Variants in SETBP1 observed in about 807,000 individuals in gnomAD.
SETBP1 encodes the protein SET-binding protein.
Under a neutral mutation model 101.0 loss-of-function variants are expected in SETBP1, and 9 were observed. The observed-to-expected ratio is 0.09, with a 90% CI of 0.05 to 0.16. The LOEUF (loss-of-function observed/expected upper bound fraction) is 0.16. Among genes scored for constraint, SETBP1 ranks in the 10% least tolerant of loss-of-function variants. SETBP1 has a pLI of 1.00. For synonymous variants in SETBP1, 818 were observed against 788.5 expected (o/e 1.04, Z -0.63); for missense variants, 1,858 against 2,033.8 (o/e 0.91, Z 1.66).
intron 1 of SETBP1, among the ~76,000 whole-genome samples, chr18:44,684,773 A>G (rs1020731531): frequency 6.6e-6 from 1 of 151,740 alleles, no homozygotes; most frequent in Non-Finnish European, 1.5e-5. Context: ...CAGCCTCCCA[A>G]ATAGCTGGGA....
intron 4 of SETBP1, among the ~76,000 whole-genome samples, chr18:44,973,026 C>T (rs920395932): frequency 1.3e-5 from 2 of 152,134 alleles, no homozygotes; most frequent in African/African-American, 4.8e-5. Context: ...TCATAGATAG[C>T]TGTCATTATT....
At chr18:44,901,286 C>T (rs2070039145) in intron 3 of SETBP1, among the ~76,000 whole-genome samples, 1 of 152,166 alleles carries the variant, frequency 6.6e-6, no homozygotes. Context: ...TGGGATGAGA[C>T]TGGACTTTCT....
intron 2 of SETBP1, among the ~76,000 whole-genome samples, chr18:44,725,850 A>G (rs1349326761): frequency 6.6e-6 from 1 of 152,160 alleles, no homozygotes; most frequent in Non-Finnish European, 1.5e-5. Flanking sequence ...ACCAAAGCCA[A>G]TAATAGACTA....
chr18:44,937,432 G>A lies in SETBP1; in HGVS notation c.541-12449G>A, dbSNP rs553874075. Among the ~76,000 whole-genome samples the A allele has an allele frequency of 9.8e-5, 14 of 143,262 alleles. No homozygotes were observed. The South Asian group carries it at 2.1e-3, about 22-fold the overall frequency. 94.0% of individuals were successfully genotyped at this position (143,262 alleles called of 152,430 possible). Reference sequence around the variant, plus strand: ...ATCCCGCCACTGCACTCCAGCCTGGGCGACAGAGCGAGACTCCGTCTCAAA... The same window carrying A: ...ATCCCGCCACTGCACTCCAGCCTGGACGACAGAGCGAGACTCCGTCTCAAA... On this transcript the variant is annotated intron_variant, in intron 3 of 5. Coordinates refer to ENST00000649279, the MANE Select transcript of SETBP1 (RefSeq NM_015559.3).
At chr18:44,997,722 C>T (rs2072528678) in intron 4 of SETBP1, among the ~76,000 whole-genome samples, 1 of 152,138 alleles carries the variant, frequency 6.6e-6, no homozygotes, top group African/African-American at 2.4e-5. Context: ...TCTTCTAAGC[C>T]ATACCATTGT....
chr18:44,918,533 G>A (rs556498209), intron 3 of SETBP1, among the ~76,000 whole-genome samples: 2 of 152,182 alleles, frequency 1.3e-5, no homozygotes, highest in South Asian at 4.1e-4. Flanking sequence ...ATAATCATAG[G>A]TTTCTTGTCA....
chr18:45,038,652 G>A lies in SETBP1; in HGVS notation c.4168G>A (p.Ala1390Thr), dbSNP rs766745645. ...LLAASAATSD[A>T]VGSSLKKRFK... ...TGCTGCATCTGCAGCAACGTCGGAT[G>A]CAGGTGAGCACTTTTCAGATGCTTT... Residue 1390 changes from alanine (A) to threonine (T), a missense_variant, in exon 5 of 6, where the codon GCA (alanine) becomes ACA (threonine). Physicochemically the swap from Ala to Thr is moderately conservative, Grantham distance 58. This residue lies in a region of SETBP1 where 417 missense variants were observed against 389.1 expected (regional missense o/e 1.07). Transcript: ENST00000649279. 6.2e-7 allele frequency: 1 copy of A among 1,614,044 alleles called. No individual in the cohort carries two copies. The highest frequency in any genetic ancestry group is 8.5e-7 in the Non-Finnish European group (1 of 1,179,984).
chr18:44,965,378 A>G (rs2071700421), intron 4 of SETBP1, among the ~76,000 whole-genome samples: 1 of 152,106 alleles, frequency 6.6e-6, no homozygotes, highest in South Asian at 2.1e-4. Flanking sequence ...ACTCATACCA[A>G]GAGCATTTAG....
chr18:45,052,351 T>C (rs2073736378), intron 5 of SETBP1, among the ~76,000 whole-genome samples: 1 of 152,174 alleles, frequency 6.6e-6, no homozygotes, highest in Non-Finnish European at 1.5e-5. Context: ...TAATTGGACT[T>C]TTAAAGAATG....
chr18:44,901,571 G>A (rs1296626517), intron 3 of SETBP1, among the ~76,000 whole-genome samples: 1 of 152,126 alleles, frequency 6.6e-6, no homozygotes, highest in Non-Finnish European at 1.5e-5. Context: ...AGGGAAGGTG[G>A]GGAATGGGTG....
intron 2 of SETBP1, among the ~76,000 whole-genome samples, chr18:44,842,968 C>T (rs2072649777): frequency 1.3e-5 from 2 of 152,356 alleles, no homozygotes; most frequent in African/African-American, 2.4e-5. Flanking sequence ...GGGGCTTCCC[C>T]TTCATTCTAT....
rs781376096 is a variant in SETBP1 at position 44,701,736 on chromosome 18, G to T, written c.390G>T (p.Lys130Asn). Residue 130 changes from lysine (K) to asparagine (N), a missense_variant, in exon 2 of 6, where the codon AAG becomes AAT. Lys to Asn is a moderately conservative substitution (Grantham distance 94). Around this residue, in one of 12 missense-constraint regions of SETBP1, gnomAD observed 581 missense variants for 535.1 expected, o/e 1.09. Transcript: ENST00000649279. ...LENYICPPEIKITIKQSGDQK... is the reference protein window; with the variant it reads ...LENYICPPEINITIKQSGDQK... ...ACTATATATGTCCACCTGAGATCAA[G>T]ATCACCATCAAGCAGTCTGGGGACC... 3 of 1,613,828 alleles carry T rather than the reference G, an allele frequency of 1.9e-6. No individual in the cohort carries two copies.
chr18:44,708,924 AC>A (rs1245797298), intron 2 of SETBP1, among the ~76,000 whole-genome samples: 1 of 152,182 alleles, frequency 6.6e-6, no homozygotes, highest in East Asian at 1.9e-4. Context: ...CTCTGTTTGG[AC>A]CCACTGTTCC....
chr18:44,815,839 G>A (rs1162589590), intron 2 of SETBP1, among the ~76,000 whole-genome samples: 1 of 152,176 alleles, frequency 6.6e-6, no homozygotes, highest in African/African-American at 2.4e-5. Context: ...CAGGAATTGG[G>A]GCCTGCAGCT....
chr18:44,744,348 TA>T (rs2070172938), intron 2 of SETBP1, among the ~76,000 whole-genome samples: 1 of 152,202 alleles, frequency 6.6e-6, no homozygotes, highest in Non-Finnish European at 1.5e-5. Context: ...CTGCAGCTGA[TA>T]ACCGGATTAG....
intron 1 of SETBP1, among the ~76,000 whole-genome samples, chr18:44,692,582 A>G (rs2068952740): frequency 6.6e-6 from 1 of 152,178 alleles, no homozygotes; most frequent in Non-Finnish European, 1.5e-5. Context: ...AGTGGGAGAG[A>G]GAGGCAGGTA....
intron 2 of SETBP1, among the ~76,000 whole-genome samples, chr18:44,774,767 A>C (rs1177650995): frequency 6.6e-6 from 1 of 152,162 alleles, no homozygotes; most frequent in Non-Finnish European, 1.5e-5. Flanking sequence ...CAGGATTTGA[A>C]CCTGGGTCAC....
intron 1 of SETBP1, among the ~76,000 whole-genome samples, chr18:44,692,303 A>G (rs2068947969): frequency 6.6e-6 from 1 of 152,260 alleles, no homozygotes; most frequent in South Asian, 2.1e-4. Flanking sequence ...TTCTTGAAAC[A>G]ATCCTTGAGG....
chr18:44,952,976 C>A lies in SETBP1; in HGVS notation c.3636C>A (p.His1212Gln). Residue 1212 changes from histidine (H) to glutamine (Q), a missense_variant, in exon 4 of 6, where the codon CAC (histidine) becomes CAA (glutamine). Coordinates refer to ENST00000649279, the MANE Select transcript of SETBP1 (RefSeq NM_015559.3). ...EKNKHKEKQK[H>Q]QHSEAGHKAS... ...ACAAGCATAAGGAGAAACAGAAGCACCAGCACAGCGAAGCCGGCCACAAAG... is the reference window on the plus strand; with the variant it reads ...ACAAGCATAAGGAGAAACAGAAGCAACAGCACAGCGAAGCCGGCCACAAAG... 6.2e-7 allele frequency: 1 copy of A among 1,614,164 alleles called. No individual in the cohort carries two copies. The highest frequency in any genetic ancestry group is 8.5e-7 in the Non-Finnish European group (1 of 1,180,044).
Sources: gnomAD v4.1 joint callset for allele counts (sites outside exome capture counted in the v4.1 genomes callset) on GRCh38, gnomAD v4.1.1 for gene constraint, gnomAD v4.1.1 regional missense constraint, MANE v1.5 for transcripts, NCBI Gene and HGNC (gene_info 2026-07-23, HGNC 2026-07-21) for gene names.